The following OSBPL10 variants were observed in gnomAD, a reference collection of about 807,000 sequenced individuals.
OSBPL10 encodes the protein oxysterol-binding protein-related protein 10.
OSBPL10 carries 49 observed loss-of-function variants against 81.7 expected under a neutral mutation model. The ratio of observed to expected loss-of-function variants is 0.60; its 90% CI spans 0.48 to 0.76. OSBPL10 has a LOEUF of 0.76. OSBPL10 is among the 30% of genes least tolerant of loss of function. The pLI is 0.00. For missense variants in OSBPL10, 923 were observed against 987.8 expected (o/e 0.93, Z 0.88); for synonymous variants, 419 against 383.6 (o/e 1.09, Z -1.08).
chr3:31,733,233 G>A (rs1207869933), intron 6 of OSBPL10, 24 bp downstream of exon 6: 4 of 1,607,724 alleles, frequency 2.5e-6, no homozygotes, highest in African/African-American at 2.7e-5. Flanking sequence ...AGCCATGAAT[G>A]CACTGAGAGG....
At chr3:31,896,855 G>C (rs572365374) in intron 1 of OSBPL10, among the ~76,000 whole-genome samples, 2 of 152,170 alleles carry the variant, frequency 1.3e-5, no homozygotes, top group Non-Finnish European at 2.9e-5. Context: ...TGGAGGGAGG[G>C]GAGGAAAGGC....
chr3:31,666,460 T>C (rs1462965819), intron 10 of OSBPL10, among the ~76,000 whole-genome samples: 1 of 152,222 alleles, frequency 6.6e-6, no homozygotes, highest in African/African-American at 2.4e-5. Context: ...GCCATGCTGA[T>C]GGTCCCTCCT....
intron 1 of OSBPL10, among the ~76,000 whole-genome samples, chr3:31,980,535 C>T (rs1490545539): frequency 6.6e-6 from 1 of 152,224 alleles, no homozygotes; most frequent in African/African-American, 2.4e-5. Context: ...CTTCTGCCTC[C>T]CTTTCCCAGT....
intron 1 of OSBPL10, among the ~76,000 whole-genome samples, chr3:31,959,220 C>T (rs1468960196): frequency 6.6e-6 from 1 of 152,126 alleles, no homozygotes; most frequent in Non-Finnish European, 1.5e-5. Context: ...TTAATGCAGT[C>T]TAATCAAATT....
chr3:31,739,287 G>GAGGGA (rs758449727), intron 5 of OSBPL10, among the ~76,000 whole-genome samples: 3 of 152,044 alleles, frequency 2.0e-5, no homozygotes, highest in Non-Finnish European at 4.4e-5. Flanking sequence ...AAAGGAAGAG[G>GAGGGA]AGGGAAAGGA....
intron 4 of OSBPL10, among the ~76,000 whole-genome samples, chr3:31,790,372 T>C (rs918906584): frequency 6.6e-5 from 10 of 152,180 alleles, no homozygotes; most frequent in Non-Finnish European, 1.3e-4. Context: ...TAAAAGACCA[T>C]TTGTGTGTGG....
At chr3:31,663,791 C>T in intron 11 of OSBPL10, 1 of 1,332,604 alleles carries the variant, frequency 7.5e-7, no homozygotes, top group South Asian at 1.6e-5. Flanking sequence ...GTCTGCAGTC[C>T]CATCGCGATC....
intron 1 of OSBPL10, among the ~76,000 whole-genome samples, chr3:32,075,559 T>C (rs931679624): frequency 2.0e-5 from 3 of 152,124 alleles, no homozygotes; most frequent in Admixed American, 2.0e-4. Context: ...TGACAAATCC[T>C]CCTTCTAAGA....
intron 2 of OSBPL10, chr3:31,989,319 C>T: frequency 6.2e-7 from 1 of 1,614,094 alleles, no homozygotes; most frequent in Non-Finnish European, 8.5e-7. Flanking sequence ...CAGCGCAAGG[C>T]AATACAGAAG....
intron 2 of OSBPL10, among the ~76,000 whole-genome samples, chr3:32,014,971 T>C (rs988256981): frequency 3.2e-4 from 48 of 152,266 alleles, no homozygotes; most frequent in Non-Finnish European, 6.0e-4. Context: ...GAAGAACATT[T>C]CCTGCTCATG....
chr3:31,724,492 C>T (rs1696747655), intron 6 of OSBPL10, among the ~76,000 whole-genome samples: 1 of 152,130 alleles, frequency 6.6e-6, no homozygotes, highest in Admixed American at 6.5e-5. Context: ...TCCTACTGGC[C>T]ATAGCAAAGG....
chr3:31,717,556 G>C (rs1407989156), intron 6 of OSBPL10, among the ~76,000 whole-genome samples: 1 of 152,112 alleles, frequency 6.6e-6, no homozygotes, highest in Non-Finnish European at 1.5e-5. Flanking sequence ...TCCACAATGA[G>C]GAGGCACCAA....
chr3:31,845,199 C>T (rs868805076), intron 3 of OSBPL10, among the ~76,000 whole-genome samples: 9 of 152,194 alleles, frequency 5.9e-5, no homozygotes, highest in Admixed American at 1.3e-4. Flanking sequence ...AATTCTAACA[C>T]TTTCTGCCTG....
At chr3:31,799,094 C>T (rs996482428) in intron 4 of OSBPL10, among the ~76,000 whole-genome samples, 1 of 152,154 alleles carries the variant, frequency 6.6e-6, no homozygotes, top group Non-Finnish European at 1.5e-5. Flanking sequence ...GAATCCCTAC[C>T]TCAAGGTATA....
chr3:31,908,729 C>T (rs1361543544), intron 1 of OSBPL10, among the ~76,000 whole-genome samples: 1 of 152,126 alleles, frequency 6.6e-6, no homozygotes, highest in African/African-American at 2.4e-5. Flanking sequence ...CGGCCAATTC[C>T]CTGATATAAC....
At chr3:31,701,507 C>T (rs931949872) in intron 7 of OSBPL10, among the ~76,000 whole-genome samples, 2 of 152,092 alleles carry the variant, frequency 1.3e-5, no homozygotes, top group African/African-American at 2.4e-5. Context: ...TTAGGTCCTC[C>T]GCACGCCTCA....
intron 4 of OSBPL10, among the ~76,000 whole-genome samples, chr3:31,829,773 T>C (rs1700192168): frequency 6.6e-6 from 1 of 152,242 alleles, no homozygotes. Flanking sequence ...TAACTGTACT[T>C]CATTTACATC....
chr3:31,669,947 T>C (rs1253091218), intron 9 of OSBPL10, among the ~76,000 whole-genome samples: 1 of 152,202 alleles, frequency 6.6e-6, no homozygotes, highest in Non-Finnish European at 1.5e-5. Flanking sequence ...GGAAAGATAT[T>C]AGTGGCATTC....
chr3:31,707,080 A>C (rs1475273065), intron 6 of OSBPL10: 1 of 152,152 alleles, frequency 6.6e-6, no homozygotes, highest in Non-Finnish European at 1.5e-5. Context: ...CTTATAACCT[A>C]ATATCTTAAT....
Sources: allele counts gnomAD v4.1 joint callset (sites outside exome capture counted in the v4.1 genomes callset), GRCh38; gene constraint gnomAD v4.1.1; transcripts MANE v1.5; gene names NCBI Gene and HGNC (gene_info 2026-07-23, HGNC 2026-07-21).